KCNIP4: variants seen among roughly 807,000 people sequenced by gnomAD.
The protein encoded by KCNIP4 is potassium voltage-gated channel interacting protein 4.
In KCNIP4, 12 loss-of-function variants were observed where a neutral mutation model predicts 34.0. That is an observed-to-expected ratio of 0.35 (90% CI 0.23 to 0.57). KCNIP4 has a LOEUF of 0.57. KCNIP4 is among the 20% of genes least tolerant of loss of function. The probability of loss-of-function intolerance (pLI) is 0.83; values close to 1 mark genes in which losing one functional copy is unlikely to be tolerated. For missense variants in KCNIP4, 238 were observed against 311.7 expected (o/e 0.76, Z 1.78); for synonymous variants, 124 against 102.2 (o/e 1.21, Z -1.29).
Position 20,999,536 on chromosome 4 carries a change from C to T in KCNIP4, c.62-116827G>A, listed in dbSNP as rs146801740. Reference sequence around the variant, plus strand: ...CAAATGTGTCCTTCAGAACGATCACCGTGGTTGCTGTGTGGACAAGTGATT... The same window carrying T: ...CAAATGTGTCCTTCAGAACGATCACTGTGGTTGCTGTGTGGACAAGTGATT... On this transcript the variant is annotated intron_variant, in intron 1 of 8. Coordinates refer to ENST00000382152, the MANE Select transcript of KCNIP4 (RefSeq NM_025221.6). Among the ~76,000 whole-genome samples the T allele has an allele frequency of 4.0e-5, 6 of 149,932 alleles. No individual in the cohort carries two copies. In the East Asian group the frequency reaches 1.0e-3, roughly 25 times the overall value.
chr4:21,336,488 CA>C (rs1716191576), intron 1 of KCNIP4, among the ~76,000 whole-genome samples: 1 of 152,090 alleles, frequency 6.6e-6, no homozygotes, highest in African/African-American at 2.4e-5. Flanking sequence ...ATAAAGCTCC[CA>C]TTTGTGCACA....
chr4:21,525,217 G>A (rs1560485787), intron 1 of KCNIP4, among the ~76,000 whole-genome samples: 1 of 152,086 alleles, frequency 6.6e-6, no homozygotes, highest in Non-Finnish European at 1.5e-5. Context: ...AAAACACTTA[G>A]ATCATTATAT....
At chr4:20,953,453 G>A (rs973692448) in intron 1 of KCNIP4, among the ~76,000 whole-genome samples, 1 of 152,082 alleles carries the variant, frequency 6.6e-6, no homozygotes, top group Non-Finnish European at 1.5e-5. Flanking sequence ...AAAGTGAGGT[G>A]GGCAGATCAC....
At chr4:20,967,038 T>C (rs559748595) in intron 1 of KCNIP4, among the ~76,000 whole-genome samples, 2 of 152,310 alleles carry the variant, frequency 1.3e-5, no homozygotes, top group African/African-American at 4.8e-5. Flanking sequence ...AAGCTCAGTG[T>C]GTCCTAACCT....
At chr4:21,166,157 G>A (rs1753614007) in intron 1 of KCNIP4, among the ~76,000 whole-genome samples, 1 of 152,112 alleles carries the variant, frequency 6.6e-6, no homozygotes, top group Admixed American at 6.6e-5. Flanking sequence ...AATGAACTAA[G>A]ACAGGAAGAG....
intron 1 of KCNIP4, among the ~76,000 whole-genome samples, chr4:21,739,561 C>T (rs1716258919): frequency 6.6e-6 from 1 of 151,896 alleles, no homozygotes; most frequent in African/African-American, 2.4e-5. Flanking sequence ...AATTTTCTTA[C>T]TAAAGATACA....
At chr4:21,036,293 G>C (rs1235478915) in intron 1 of KCNIP4, among the ~76,000 whole-genome samples, 1 of 152,156 alleles carries the variant, frequency 6.6e-6, no homozygotes, top group Non-Finnish European at 1.5e-5. Context: ...CAATATCATA[G>C]AAGGATTAGG....
At chr4:20,888,379 A>C (rs1725551375) in intron 1 of KCNIP4, among the ~76,000 whole-genome samples, 1 of 152,274 alleles carries the variant, frequency 6.6e-6, no homozygotes, top group East Asian at 1.9e-4. Context: ...TGATTGTCTC[A>C]GTATGTGCAG....
chr4:20,978,102 C>T (rs1735665021), intron 1 of KCNIP4, among the ~76,000 whole-genome samples: 1 of 152,152 alleles, frequency 6.6e-6, no homozygotes, highest in South Asian at 2.1e-4. Flanking sequence ...AACCAGAGCT[C>T]ATATAAGCGG....
chr4:21,760,855 C>G (rs1018383730), intron 1 of KCNIP4, among the ~76,000 whole-genome samples: 7 of 152,084 alleles, frequency 4.6e-5, no homozygotes, highest in Admixed American at 6.6e-5. Flanking sequence ...ATAGCAAGAC[C>G]AGCATGGAAT....
chr4:20,759,081 C>T (rs1221824438), intron 3 of KCNIP4, among the ~76,000 whole-genome samples, 191 bp from the exon 4 acceptor site: 1 of 151,792 alleles, frequency 6.6e-6, no homozygotes, highest in Non-Finnish European at 1.5e-5. Context: ...GAAAAAAAAA[C>T]GTAGATGTAA....
intron 1 of KCNIP4, among the ~76,000 whole-genome samples, chr4:21,171,491 T>C (rs1397194391): frequency 1.3e-5 from 2 of 152,188 alleles, no homozygotes; most frequent in Admixed American, 1.3e-4. Flanking sequence ...TATAAAATAA[T>C]TGGCATTATC....
intron 1 of KCNIP4, among the ~76,000 whole-genome samples, chr4:21,651,362 G>C (rs1747465706): frequency 1.3e-5 from 2 of 152,144 alleles, no homozygotes; most frequent in South Asian, 2.1e-4. Context: ...CAGGAAATAT[G>C]GATGTTCACA....
intron 1 of KCNIP4, among the ~76,000 whole-genome samples, chr4:21,276,366 T>C (rs1471289535): frequency 2.7e-5 from 4 of 150,664 alleles, no homozygotes. Context: ...TTTCTCTTTT[T>C]TTTTTTTTTT....
At chr4:21,648,791 G>T (rs1002365595) in intron 1 of KCNIP4, among the ~76,000 whole-genome samples, 1 of 152,048 alleles carries the variant, frequency 6.6e-6, no homozygotes, top group Non-Finnish European at 1.5e-5. Flanking sequence ...GTCAAATTTA[G>T]CATATTTATT....
intron 1 of KCNIP4, among the ~76,000 whole-genome samples, chr4:20,930,678 G>A (rs887187020): frequency 6.6e-6 from 1 of 151,880 alleles, no homozygotes; most frequent in Non-Finnish European, 1.5e-5. Flanking sequence ...ACAACAAACA[G>A]CTTGATTAAA....
intron 2 of KCNIP4, among the ~76,000 whole-genome samples, chr4:20,863,960 A>G (rs1466140307): frequency 6.6e-6 from 1 of 151,974 alleles, no homozygotes; most frequent in African/African-American, 2.4e-5. Flanking sequence ...ATACACACAC[A>G]CATACATATA....
chr4:21,223,434 A>T (rs987138316), intron 1 of KCNIP4, among the ~76,000 whole-genome samples: 1 of 152,186 alleles, frequency 6.6e-6, no homozygotes, highest in African/African-American at 2.4e-5. Flanking sequence ...GGCACTATGC[A>T]TGTGGTCATT....
intron 1 of KCNIP4, among the ~76,000 whole-genome samples, chr4:21,813,014 T>G (rs917902325): frequency 6.6e-6 from 1 of 152,172 alleles, no homozygotes; most frequent in Non-Finnish European, 1.5e-5. Context: ...AGGTCCAGCT[T>G]GCCTAGGTGC....
Sources: gnomAD v4.1 joint callset for allele counts (sites outside exome capture counted in the v4.1 genomes callset) on GRCh38, gnomAD v4.1.1 for gene constraint, MANE v1.5 for transcripts, NCBI Gene and HGNC (gene_info 2026-07-23, HGNC 2026-07-21) for gene names.